Variants in KATNAL1 observed in about 807,000 individuals in gnomAD.
The protein encoded by KATNAL1 is katanin catalytic subunit A1 like 1.
Under a neutral mutation model 55.2 loss-of-function variants are expected in KATNAL1, and 32 were observed. The observed-to-expected ratio is 0.58, with a 90% CI of 0.44 to 0.78. The LOEUF (loss-of-function observed/expected upper bound fraction) is 0.78, where lower values mean the gene tolerates loss of function less well. Among genes scored for constraint, KATNAL1 ranks in the 30% least tolerant of loss-of-function variants. KATNAL1 has a pLI of 0.00. For missense variants in KATNAL1, 466 were observed against 600.9 expected (o/e 0.78, Z 2.35); for synonymous variants, 193 against 193.6 (o/e 1.00, Z 0.02).
chr13:30,233,598 C>CA (rs767411356), intron 6 of KATNAL1, among the ~76,000 whole-genome samples: 1,576 of 120,642 alleles, frequency 0.013, 22 homozygotes, highest in African/African-American at 0.042. Context: ...GGAATATATA[C>CA]AAAAAAAAAA....
intron 3 of KATNAL1, among the ~76,000 whole-genome samples, chr13:30,270,927 TAAAAAAAAAAA>T (rs112902595): frequency 2.3e-5 from 3 of 133,034 alleles, no homozygotes; most frequent in African/African-American, 8.2e-5. Flanking sequence ...AATAATAAAA[TAAAAAAAAAAA>T]AAGAAAAATA....
At chr13:30,274,901 GCGCGCGCACACA>G (rs1366042904) in intron 3 of KATNAL1, among the ~76,000 whole-genome samples, 2,596 of 111,308 alleles carry the variant, frequency 0.023, 34 homozygotes, top group Non-Finnish European at 0.034. Flanking sequence ...ACGCGCGCGC[GCGCGCGCACACA>G]CACACACACA....
intron 6 of KATNAL1, among the ~76,000 whole-genome samples, chr13:30,231,937 A>G (rs1271514844): frequency 1.3e-5 from 2 of 152,228 alleles, no homozygotes; most frequent in Non-Finnish European, 2.9e-5. Context: ...TCAGTAAAAA[A>G]TAAAGACCCA....
chr13:30,283,814 T>G, intron 1 of KATNAL1, 23 bp from the exon 2 acceptor site: 2 of 1,520,172 alleles, frequency 1.3e-6, no homozygotes, highest in Non-Finnish European at 8.9e-7. Context: ...TATAATGACT[T>G]TTTAAAAATT....
chr13:30,267,729 C>T (rs1259793134), intron 3 of KATNAL1, among the ~76,000 whole-genome samples: 1 of 152,170 alleles, frequency 6.6e-6, no homozygotes, highest in East Asian at 1.9e-4. Context: ...CTTTTACATA[C>T]ATAGCTGATC....
rs548794401 is a variant in KATNAL1 at position 30,280,393 on chromosome 13, T to A, written c.163-170A>T. Among the ~76,000 whole-genome samples the A allele has an allele frequency of 2.6e-5, 4 of 152,228 alleles. No individual in the cohort carries two copies. The East Asian group carries it at 7.7e-4, about 29-fold the overall frequency. ...ATTTCAAGTAATACTGAGAAAAGGGTAGAAATTAGTTTGAAAAAATCATAA... is the reference window on the plus strand; with the variant it reads ...ATTTCAAGTAATACTGAGAAAAGGGAAGAAATTAGTTTGAAAAAATCATAA... On this transcript the variant is annotated intron_variant, in intron 2 of 10. Coordinates refer to ENST00000380615, the MANE Select transcript of KATNAL1 (RefSeq NM_032116.5).
intron 3 of KATNAL1, among the ~76,000 whole-genome samples, chr13:30,263,574 C>A (rs577111880): frequency 4.6e-5 from 7 of 152,086 alleles, no homozygotes; most frequent in Admixed American, 3.9e-4. Context: ...TATACACCAA[C>A]AACAGACAAA....
At chr13:30,241,128 T>A in intron 4 of KATNAL1, 42 bp from the exon 5 acceptor site, 1 of 1,532,816 alleles carries the variant, frequency 6.5e-7, no homozygotes, top group South Asian at 1.2e-5. Flanking sequence ...CAGTAATGGA[T>A]AATTTAGTTA....
intron 4 of KATNAL1, among the ~76,000 whole-genome samples, chr13:30,243,608 CAAAAAAAA>C (rs139687662): frequency 2.2e-4 from 19 of 86,466 alleles, no homozygotes; most frequent in South Asian, 7.8e-4. Flanking sequence ...GGTATTAAGC[CAAAAAAAA>C]AAAAAAAAAA....
At chr13:30,256,758 T>A (rs1054351077) in intron 3 of KATNAL1, among the ~76,000 whole-genome samples, 1 of 152,100 alleles carries the variant, frequency 6.6e-6, no homozygotes, top group African/African-American at 2.4e-5. Flanking sequence ...CATATTTAGA[T>A]GTTGGAATTA....
rs183980473 is a variant in KATNAL1, at chr13:30,277,519, T to C, written c.323+2544A>G. On this transcript the variant is annotated intron_variant, in intron 3 of 10. Transcript: ENST00000380615. The stretch of plus-strand genomic sequence containing the variant: ...TTATCTAACATTCACTATCGCTAAG[T>C]GAAAATCTTATTATATTTGTTTTAT... 8.7e-4 allele frequency among the ~76,000 whole-genome samples: 133 copies of C among 152,340 alleles called. 1 individual carries two copies. The East Asian group carries it at 0.014, about 16-fold the overall frequency.
intron 4 of KATNAL1, among the ~76,000 whole-genome samples, 172 bp downstream of exon 4, chr13:30,255,275 T>C (rs964659438): frequency 6.6e-6 from 1 of 152,324 alleles, no homozygotes; most frequent in Non-Finnish European, 1.5e-5. Flanking sequence ...CTGAGGTGAT[T>C]TGCATTGCAG....
In KATNAL1 at chr13:30,282,307, A is replaced by G. The variant is rs186975975; in HGVS notation, c.162+1309T>C. On this transcript the variant is annotated intron_variant, in intron 2 of 10. Transcript: ENST00000380615. ...AGAGTTTTGCAAAATGGGTCAAAAC[A>G]ACATGTAAATATGAAAGGGAAAAGG... is the stretch of plus-strand genomic sequence containing the variant. 5.3e-4 allele frequency among the ~76,000 whole-genome samples: 80 copies of G among 152,318 alleles called. 2 individuals are homozygous for G. The highest frequency in any genetic ancestry group is 1.7e-3 in the African/African-American group (72 of 41,586).
At chr13:30,262,639 GAC>G (rs1724627490) in intron 3 of KATNAL1, among the ~76,000 whole-genome samples, 1 of 151,716 alleles carries the variant, frequency 6.6e-6, no homozygotes, top group Non-Finnish European at 1.5e-5. Flanking sequence ...TAAATTCCTC[GAC>G]ACATACACCC....
intron 3 of KATNAL1, among the ~76,000 whole-genome samples, chr13:30,270,027 G>A: frequency 7.1e-6 from 1 of 140,032 alleles, no homozygotes; most frequent in South Asian, 2.3e-4. Flanking sequence ...GGGAGGTGGG[G>A]GTGTCAGCCC....
intron 1 of KATNAL1, among the ~76,000 whole-genome samples, chr13:30,292,367 A>AT (rs200715363): frequency 2.1e-3 from 305 of 146,746 alleles, no homozygotes; most frequent in African/African-American, 5.4e-3. Flanking sequence ...AACCCAAGGT[A>AT]TTTTTTTTTT....
At chr13:30,265,026 T>C (rs1233341683) in intron 3 of KATNAL1, among the ~76,000 whole-genome samples, 3 of 150,658 alleles carry the variant, frequency 2.0e-5, no homozygotes, top group African/African-American at 7.3e-5. Flanking sequence ...ATATACACCA[T>C]GGAATACTAT....
chr13:30,277,710 A>G (rs541853653), intron 3 of KATNAL1, among the ~76,000 whole-genome samples: 56 of 152,218 alleles, frequency 3.7e-4, no homozygotes, highest in African/African-American at 1.3e-3. Context: ...CAGGCCGGGC[A>G]CGGTGGCTCA....
Position 30,230,580 on chromosome 13 carries a change from G to C in KATNAL1, c.900C>G (p.Ala300=). The C allele has an allele frequency of 6.2e-7, 1 of 1,602,538 alleles. No individual in the cohort carries two copies. Among genetic ancestry groups the C allele is most frequent in the Non-Finnish European group, 8.5e-7 (1 of 1,173,372 alleles). The change falls in exon 8 of 11, where the codon GCC becomes GCG. Residue 300 remains alanine, a synonymous_variant. Transcript: ENST00000380615. ...RLLFEMARFY[A]PTTIFIDEID... ...TCTCATCAATGAAGATCGTGGTAGG[G>C]GCATAAAATCTAGCCTTTATGAAAA... is the stretch of plus-strand genomic sequence containing the variant.
Sources: allele counts gnomAD v4.1 joint callset (sites outside exome capture counted in the v4.1 genomes callset), GRCh38; gene constraint gnomAD v4.1.1; transcripts MANE v1.5; gene names NCBI Gene and HGNC (gene_info 2026-07-23, HGNC 2026-07-21).